Variants in RAB11FIP3 observed in about 807,000 individuals in gnomAD.
RAB11FIP3 encodes the protein RAB11 family interacting protein 3.
RAB11FIP3 carries 17 observed loss-of-function variants against 77.8 expected under a neutral mutation model. The observed-to-expected ratio is 0.22, with a 90% CI of 0.15 to 0.33. The LOEUF is 0.33. Ranked by LOEUF, RAB11FIP3 falls within the 10% of genes least tolerant of loss-of-function variation. RAB11FIP3 has a pLI of 1.00. For missense variants in RAB11FIP3, 1,005 were observed against 1,011.2 expected (o/e 0.99, Z 0.08); for synonymous variants, 437 against 448.2 (o/e 0.98, Z 0.31).
chr16:520,690 A>G lies in RAB11FIP3; in HGVS notation c.2158-36A>G, dbSNP rs368004743. 4.0e-4 allele frequency: 641 copies of G among 1,611,978 alleles called. 5 individuals are homozygous for G. In the African/African-American group the frequency reaches 7.5e-3, roughly 19 times the overall value. ...GTTTATGCGCTGTGGCCTGTGGCCCATGCGCCTCAGCTCTGACCACCTGCT... is the reference window on the plus strand; with the variant it reads ...GTTTATGCGCTGTGGCCTGTGGCCCGTGCGCCTCAGCTCTGACCACCTGCT... On this transcript the variant is annotated intron_variant, in intron 13 of 13. Transcript: ENST00000262305.
chr16:467,219 T>C (rs763406322), intron 2 of RAB11FIP3, among the ~76,000 whole-genome samples: 4 of 152,120 alleles, frequency 2.6e-5, no homozygotes, highest in Non-Finnish European at 5.9e-5. Flanking sequence ...GGGCTGCACC[T>C]GGCATGTTTG....
intron 2 of RAB11FIP3, among the ~76,000 whole-genome samples, chr16:466,213 C>T (rs946483468): frequency 1.3e-5 from 2 of 152,090 alleles, no homozygotes; most frequent in African/African-American, 4.8e-5. Context: ...TGTGTTCCCT[C>T]GGGAGTCAGG....
chr16:480,967 A>G (rs141759085), intron 3 of RAB11FIP3, among the ~76,000 whole-genome samples: 25,958 of 107,242 alleles, frequency 0.24, 7,746 homozygotes, highest in African/African-American at 0.38. Context: ...TCGCCACCAC[A>G]CCCGGCTAAT....
intron 2 of RAB11FIP3, among the ~76,000 whole-genome samples, chr16:463,593 T>A (rs1207000682): frequency 2.0e-5 from 3 of 152,000 alleles, no homozygotes; most frequent in Non-Finnish European, 4.4e-5. Context: ...CATGTGCCAT[T>A]GCGCCCAGCT....
rs780515788 is a variant in RAB11FIP3, at chr16:520,186, G to A, written c.1925G>A (p.Arg642Gln). Reference protein sequence around the residue: ...LQLLKLEAEQRRGRSSSMGLQ... With the variant: ...LQLLKLEAEQQRGRSSSMGLQ... ...CTCCTCAAGCTGGAGGCCGAGCAGC[G>A]GCGGGGCCGCAGCAGCAGCATGGGC... Residue 642 changes from arginine to glutamine, a missense_variant, in exon 12 of 14, where the codon CGG becomes CAG. Arg to Gln is a conservative substitution (Grantham distance 43, BLOSUM62 1). Coordinates refer to ENST00000262305, the MANE Select transcript of RAB11FIP3 (RefSeq NM_014700.4). The A allele has an allele frequency of 1.6e-5, 25 of 1,545,476 alleles. No homozygotes were observed. The highest frequency in any genetic ancestry group is 2.7e-5 in the African/African-American group (2 of 73,182).
chr16:489,107 T>G, intron 5 of RAB11FIP3, 107 bp downstream of exon 5: 1 of 1,286,502 alleles, frequency 7.8e-7, no homozygotes, highest in African/African-American at 1.5e-5. Context: ...TTGCTTTCCT[T>G]GACGTCATGT....
chr16:459,971 G>A (rs2055576678), intron 1 of RAB11FIP3, among the ~76,000 whole-genome samples: 1 of 148,976 alleles, frequency 6.7e-6, no homozygotes, highest in Admixed American at 6.8e-5. Context: ...TCTGCCTTCC[G>A]GGTTTAAGCA....
rs374441362 is a variant in RAB11FIP3, at chr16:471,243, G to A, written c.809-52G>A. On this transcript the variant is annotated intron_variant, in intron 2 of 13. Coordinates refer to ENST00000262305, the MANE Select transcript of RAB11FIP3 (RefSeq NM_014700.4). This position sits in a 1 kb window ranked among gnomAD's most constrained non-coding sequence, Gnocchi z 4.4. ...GAGTCCCGAGGCCGCCAGGGGTCCC[G>A]TCACTGGGTGGCTATGGGTGGCCTG... 3.4e-5 allele frequency: 52 copies of A among 1,521,264 alleles called. No homozygotes were observed. The highest frequency in any genetic ancestry group is 6.8e-5 in the Admixed American group (4 of 59,058). The allele number at this position is 1,521,264 out of a possible 1,614,324, so 94.2% of individuals were successfully genotyped here. A position where few individuals can be genotyped will look rare whatever the true frequency, so the allele number is the denominator to read the frequency against.
At chr16:503,313 T>C (rs2031634316) in intron 7 of RAB11FIP3, among the ~76,000 whole-genome samples, 1 of 152,194 alleles carries the variant, frequency 6.6e-6, no homozygotes, top group South Asian at 2.1e-4. Context: ...GTCTTCCTGT[T>C]GTGCACGAAG....
intron 1 of RAB11FIP3, among the ~76,000 whole-genome samples, chr16:431,987 G>C (rs896566218): frequency 6.6e-6 from 1 of 151,940 alleles, no homozygotes; most frequent in Non-Finnish European, 1.5e-5. Flanking sequence ...TTGATCTCCT[G>C]ACCGCATGAT....
chr16:445,796 C>T (rs2055306438), intron 1 of RAB11FIP3, among the ~76,000 whole-genome samples: 1 of 152,138 alleles, frequency 6.6e-6, no homozygotes. Flanking sequence ...GCTTTGTGCC[C>T]ACTTGGCCCA....
intron 5 of RAB11FIP3, among the ~76,000 whole-genome samples, chr16:492,488 CCCGGGAGACCCGAGGCCGCCCAGGGCCCT>C (rs1567392535): frequency 0.034 from 513 of 14,972 alleles, 29 homozygotes; most frequent in South Asian, 0.1. Flanking sequence ...CCAGGGCCCT[CCCGGGAGACCCGAGGCCGCCCAGGGCCCT>C]CCCGGGAGAC....
Position 471,541 on chromosome 16 carries a change from T to C in RAB11FIP3, c.903+152T>C, listed in dbSNP as rs550075911. 2.9e-6 allele frequency: 2 copies of C among 684,912 alleles called. No individual in the cohort carries two copies. The highest frequency in any genetic ancestry group is 5.5e-5 in the East Asian group (2 of 36,304). The allele number at this position is 684,912 out of a possible 1,614,324, so 42.4% of individuals were successfully genotyped here. ...GCCCTGTGTGCACCGTGGGGCTCTG[T>C]GGCTGTGACGGGAGGCCCACAGTTG... On this transcript the variant is annotated intron_variant, in intron 3 of 13. Transcript: ENST00000262305. This position sits in a 1 kb window ranked among gnomAD's most constrained non-coding sequence, Gnocchi z 4.4.
At chr16:449,363 G>C (rs552069296) in intron 1 of RAB11FIP3, among the ~76,000 whole-genome samples, 1 of 152,168 alleles carries the variant, frequency 6.6e-6, no homozygotes, top group Non-Finnish European at 1.5e-5. Context: ...TTGCTGGTTG[G>C]TCGTTTGCCA....
At position 519,899 on chromosome 16, in the gene RAB11FIP3, C is replaced by T. The variant is rs1333622150; in HGVS notation, c.1860+8C>T. On this transcript the variant is annotated splice_region_variant and intron_variant, in intron 11 of 13. Transcript: ENST00000262305. ...AAGGAGGCCACCCAGGAGGTGAGCA[C>T]CCACCCTGCCCCACGCCCAGTCCTG... The T allele has an allele frequency of 2.9e-5, 45 of 1,570,358 alleles. No homozygotes were observed. The highest frequency in any genetic ancestry group is 3.9e-5 in the Non-Finnish European group (45 of 1,158,266).
chr16:459,940 C>G (rs922442413), intron 1 of RAB11FIP3, among the ~76,000 whole-genome samples: 4 of 148,668 alleles, frequency 2.7e-5, no homozygotes, highest in Non-Finnish European at 5.9e-5. Context: ...TGCAATGGCG[C>G]AATCTCTGCT....
At chr16:442,344 G>A (rs1432053293) in intron 1 of RAB11FIP3, among the ~76,000 whole-genome samples, 1 of 152,238 alleles carries the variant, frequency 6.6e-6, no homozygotes, top group Non-Finnish European at 1.5e-5. Context: ...TATTCCCATG[G>A]TGAGTGTCTT....
chr16:497,700 C>G (rs1365995365), intron 6 of RAB11FIP3, among the ~76,000 whole-genome samples: 2 of 152,160 alleles, frequency 1.3e-5, no homozygotes, highest in Non-Finnish European at 2.9e-5. Flanking sequence ...TCTTCCTTCT[C>G]ATTTGTTTTC....
In RAB11FIP3 at chr16:514,509, G is replaced by GA. The variant is rs1227158506; in HGVS notation, c.1640+3710dup. On this transcript the variant is annotated intron_variant, in intron 9 of 13. Coordinates refer to ENST00000262305, the MANE Select transcript of RAB11FIP3 (RefSeq NM_014700.4). The surrounding 1 kb of genome is among the most constrained non-coding windows in gnomAD (Gnocchi z 4.6). ...ATTTCAGGAGTGGAGCCTCAGTAGA[G>GA]ATGAGAGTTAAAGCTGAAAGGGCAT... is the stretch of plus-strand genomic sequence containing the variant. 1.3e-5 allele frequency among the ~76,000 whole-genome samples: 2 copies of GA among 152,232 alleles called. No individual in the cohort carries two copies. Among genetic ancestry groups the GA allele is most frequent in the East Asian group, 3.8e-4 (2 of 5,204 alleles).
Sources: gnomAD v4.1 joint callset for allele counts (sites outside exome capture counted in the v4.1 genomes callset) on GRCh38, gnomAD v4.1.1 for gene constraint, Gnocchi (gnomAD v3.1) non-coding constraint, MANE v1.5 for transcripts, NCBI Gene and HGNC (gene_info 2026-07-23, HGNC 2026-07-21) for gene names.